Variants in LRTM2 observed in about 807,000 individuals in gnomAD.
LRTM2 encodes the protein leucine rich repeat transmembrane protein 2, also known as leucine-rich repeat and transmembrane domain-containing protein 2.
A neutral mutation model predicts 28.1 loss-of-function variants in LRTM2; 18 were observed. The ratio of observed to expected loss-of-function variants is 0.64; its 90% confidence interval spans 0.44 to 0.95. The LOEUF (loss-of-function observed/expected upper bound fraction) is 0.95, where lower values mean the gene tolerates loss of function less well. Among genes scored for constraint, LRTM2 ranks in the 40% least tolerant of loss-of-function variants. The pLI, the probability that LRTM2 is intolerant of heterozygous loss-of-function variation, is 0.00. For missense variants in LRTM2, 436 were observed against 497.2 expected (o/e 0.88, Z 1.17); for synonymous variants, 250 against 218.7 (o/e 1.14, Z -1.26).
intron 1 of LRTM2, among the ~76,000 whole-genome samples, chr12:1,827,209 C>A (rs991769717): frequency 2.6e-5 from 4 of 152,220 alleles, no homozygotes; most frequent in Admixed American, 2.6e-4. Flanking sequence ...GGCTGGCAGC[C>A]TGGGCCTCCC....
chr12:1,824,205 T>A (rs927550589), intron 1 of LRTM2, among the ~76,000 whole-genome samples: 1 of 152,180 alleles, frequency 6.6e-6, no homozygotes, highest in Non-Finnish European at 1.5e-5. Context: ...CCGTTTGCCC[T>A]GCTGAGAGGT....
At chr12:1,827,872 T>C (rs1864414455) in intron 2 of LRTM2, 5 of 380,848 alleles carry the variant, frequency 1.3e-5, no homozygotes, top group South Asian at 2.3e-4. Flanking sequence ...CTCGGGCTCC[T>C]GGAAAGCCGA....
chr12:1,835,810 G>A lies in LRTM2; in HGVS notation c.*1089G>A, dbSNP rs563154569. 6.5e-6 allele frequency: 1 copy of A among 152,676 alleles called. No individual in the cohort carries two copies. Among genetic ancestry groups the A allele is most frequent in the Non-Finnish European group, 1.5e-5 (1 of 68,254 alleles). 9.5% of individuals were successfully genotyped at this position (152,676 alleles called of 1,614,324 possible). Reference sequence around the variant, plus strand: ...CCTGCCCACGCATCTCACAGCACCAGGCCCTGTGGGGCCCCCACTGATTCC... The same window carrying A: ...CCTGCCCACGCATCTCACAGCACCAAGCCCTGTGGGGCCCCCACTGATTCC... On this transcript the variant is annotated 3_prime_UTR_variant, in exon 5 of 5. Transcript: ENST00000299194.
Position 1,820,922 on chromosome 12 carries a change from C to T in LRTM2, c.-259+108C>T, listed in dbSNP as rs1271223435. ...CATCTCTGCCCTGCAGGAATAGCTG[C>T]AGTTGCTTCCTACCTGCAGGCAATT... On this transcript the variant is annotated intron_variant, in intron 1 of 4. Transcript: ENST00000299194. The surrounding 1 kb of genome is among the most constrained non-coding windows in gnomAD (Gnocchi z 6.0). The T allele has an allele frequency of 6.6e-6, 1 of 152,240 alleles. No homozygotes were observed. Among genetic ancestry groups the T allele is most frequent in the Non-Finnish European group, 1.5e-5 (1 of 68,078 alleles). The allele number at this position is 152,240 out of a possible 1,614,324, so 9.4% of individuals were successfully genotyped here.
chr12:1,831,064 T>C lies in LRTM2; in HGVS notation c.197T>C (p.Val66Ala). The change falls in exon 4 of 5, where the codon GTG becomes GCG. Residue 66 changes from valine to alanine, a missense_variant. Coordinates refer to ENST00000299194, the MANE Select transcript of LRTM2 (RefSeq NM_001039029.3). ...GGCCTCACCACGGTGCCCCCAGACG[T>C]GCCCGCAGCCACCCGAACCCTCTTG... is the stretch of plus-strand genomic sequence containing the variant. ...GLGLTTVPPD[V>A]PAATRTLLLL... The C allele has an allele frequency of 1.2e-6, 2 of 1,614,072 alleles. No homozygotes were observed. The highest frequency in any genetic ancestry group is 1.7e-6 in the Non-Finnish European group (2 of 1,180,024).
intron 1 of LRTM2, chr12:1,822,223 C>G (rs569072458): frequency 1.3e-5 from 2 of 152,368 alleles, no homozygotes; most frequent in South Asian, 4.1e-4. Context: ...GAGGAGCAAA[C>G]TCTGCTCCCG....
chr12:1,834,799 C>G lies in LRTM2; in HGVS notation c.*78C>G, dbSNP rs1864785366. On this transcript the variant is annotated 3_prime_UTR_variant, in exon 5 of 5. Transcript: ENST00000299194. The surrounding 1 kb of genome is among the most constrained non-coding windows in gnomAD (Gnocchi z 7.6). ...GCTCAGCCACAGCTCCCACCTTGAC[C>G]CGGCGCTGGCCACTGCCTCCCCGAG... 1.4e-6 allele frequency: 2 copies of G among 1,476,124 alleles called. No individual in the cohort carries two copies. The highest frequency in any genetic ancestry group is 2.4e-5 in the Admixed American group (1 of 42,480). 91.4% of individuals were successfully genotyped at this position (1,476,124 alleles called of 1,614,324 possible). A position where few individuals can be genotyped will look rare whatever the true frequency, so the allele number is the denominator to read the frequency against.
rs1234126298 is a variant in LRTM2 at position 1,828,514 on chromosome 12, A to G, written c.67+299A>G. 6.6e-6 allele frequency among the ~76,000 whole-genome samples: 1 copy of G among 152,156 alleles called. No individual in the cohort carries two copies. The highest frequency in any genetic ancestry group is 1.5e-5 in the Non-Finnish European group (1 of 68,032). ...TGAGCTTGCTGGGGTCCCCAACAGG[A>G]GAAGAGCTCTGCTGGAATGCAGGCC... On this transcript the variant is annotated intron_variant, in intron 3 of 4. Transcript: ENST00000299194. This position sits in a 1 kb window ranked among gnomAD's most constrained non-coding sequence, Gnocchi z 4.2.
chr12:1,834,852 A>G lies in LRTM2; in HGVS notation c.*131A>G. ...CACCCTCCTCCCCGCCCTCCAGCAGACAAGCCACACCGGGTTCTCTCCCTG... is the reference window on the plus strand; with the variant it reads ...CACCCTCCTCCCCGCCCTCCAGCAGGCAAGCCACACCGGGTTCTCTCCCTG... On this transcript the variant is annotated 3_prime_UTR_variant, in exon 5 of 5. Coordinates refer to ENST00000299194, the MANE Select transcript of LRTM2 (RefSeq NM_001039029.3). The surrounding 1 kb of genome is among the most constrained non-coding windows in gnomAD (Gnocchi z 7.6). The G allele has an allele frequency of 7.0e-7, 1 of 1,425,728 alleles. No individual in the cohort carries two copies. Among genetic ancestry groups the G allele is most frequent in the Non-Finnish European group, 9.2e-7 (1 of 1,091,294 alleles). The allele number at this position is 1,425,728 out of a possible 1,614,324, so 88.3% of individuals were successfully genotyped here.
rs1864783430 is a variant in LRTM2 at position 1,834,757 on chromosome 12, G to A, written c.*36G>A. ...CCACCCGGCCAGGTAGGAAGGGCGG[G>A]GAGAGCACACGGCATTGCTCAGCCA... On this transcript the variant is annotated 3_prime_UTR_variant, in exon 5 of 5. Transcript: ENST00000299194. The surrounding 1 kb of genome is among the most constrained non-coding windows in gnomAD (Gnocchi z 7.6). The A allele has an allele frequency of 1.3e-6, 2 of 1,551,808 alleles. No individual in the cohort carries two copies. The highest frequency in any genetic ancestry group is 1.7e-6 in the Non-Finnish European group (2 of 1,151,920).
At position 1,831,647 on chromosome 12, in the gene LRTM2, C is replaced by A. The variant is rs1292337955; in HGVS notation, c.658+122C>A. On this transcript the variant is annotated intron_variant, in intron 4 of 4. Coordinates refer to ENST00000299194, the MANE Select transcript of LRTM2 (RefSeq NM_001039029.3). The stretch of plus-strand genomic sequence containing the variant: ...AGGCCAGGGGAAAGAAGGGGGCGAC[C>A]CTGCCTCTGTGCCAGCTCGGCTAGA... 1.2e-5 allele frequency: 10 copies of A among 808,104 alleles called. No individual in the cohort carries two copies. In the Admixed American group the frequency reaches 2.8e-4, roughly 22 times the overall value. The allele number at this position is 808,104 out of a possible 1,614,324, so 50.1% of individuals were successfully genotyped here.
chr12:1,836,302 A>G lies in LRTM2; in HGVS notation c.*1581A>G, dbSNP rs118070468. On this transcript the variant is annotated 3_prime_UTR_variant, in exon 5 of 5. Transcript: ENST00000299194. The stretch of plus-strand genomic sequence containing the variant: ...CATGCTCACAGGCTCAGGAGGCATC[A>G]GGCTCGTCCCTGGCTCTGGGATGGA... 0.013 allele frequency: 1,963 copies of G among 152,492 alleles called. 19 individuals are homozygous for G. Among genetic ancestry groups the G allele is most frequent in the Non-Finnish European group, 0.021 (1,404 of 68,164 alleles). 9.4% of individuals were successfully genotyped at this position (152,492 alleles called of 1,614,324 possible). A position where few individuals can be genotyped will look rare whatever the true frequency, so the allele number is the denominator to read the frequency against.
In LRTM2 at chr12:1,822,501, C is replaced by G. The variant is rs539644504; in HGVS notation, c.-259+1687C>G. 3.9e-5 allele frequency among the ~76,000 whole-genome samples: 6 copies of G among 152,168 alleles called. No individual in the cohort carries two copies. The East Asian group carries it at 1.2e-3, about 29-fold the overall frequency. The stretch of plus-strand genomic sequence containing the variant: ...ACCACCCTGAGCCCGGCCCCAGGGC[C>G]CAGTGGACACCTTAGCCTCCTTCAT... On this transcript the variant is annotated intron_variant, in intron 1 of 4. Transcript: ENST00000299194.
In LRTM2 at chr12:1,828,159, C is replaced by T. The variant is rs763791887; in HGVS notation, c.11C>T (p.Pro4Leu). 112 of 1,543,080 alleles carry T rather than the reference C, an allele frequency of 7.3e-5. No homozygotes were observed. Among genetic ancestry groups the T allele is most frequent in the African/African-American group, 6.2e-4 (45 of 72,708 alleles). Residue 4 changes from proline (P) to leucine (L), a missense_variant, in exon 3 of 5, where the codon CCG becomes CTG. Coordinates refer to ENST00000299194, the MANE Select transcript of LRTM2 (RefSeq NM_001039029.3). This position sits in a 1 kb window ranked among gnomAD's most constrained non-coding sequence, Gnocchi z 4.2. MLA[P>L]GSSPGQRGRL... ...GCCGTGGGCCTCACCATGCTGGCGCCGGGCAGCAGCCCTGGGCAGAGGGGC... is the reference window on the plus strand; with the variant it reads ...GCCGTGGGCCTCACCATGCTGGCGCTGGGCAGCAGCCCTGGGCAGAGGGGC...
intron 1 of LRTM2, among the ~76,000 whole-genome samples, chr12:1,822,805 C>T (rs373914506): frequency 2.0e-5 from 3 of 152,238 alleles, no homozygotes; most frequent in South Asian, 2.1e-4. Context: ...AGACAGGCAG[C>T]GGTAGGCGGA....
chr12:1,824,912 C>T (rs1864253442), intron 1 of LRTM2, among the ~76,000 whole-genome samples: 3 of 152,232 alleles, frequency 2.0e-5, no homozygotes, highest in Admixed American at 2.0e-4. Context: ...ATTTTTCCTG[C>T]TCTTGGGAAG....
intron 1 of LRTM2, among the ~76,000 whole-genome samples, chr12:1,826,666 C>T (rs954036201): frequency 4.6e-5 from 7 of 151,882 alleles, no homozygotes; most frequent in African/African-American, 1.2e-4. Context: ...GAAAGACAGC[C>T]GAGAGGGCGG....
chr12:1,833,300 G>A lies in LRTM2; in HGVS notation c.659-967G>A, dbSNP rs1864712322. Reference sequence around the variant, plus strand: ...GCAGCCCGCATCTTTTCGGCAGGGGGTCTAGTGCCTGCATCCAGATTTCAC... The same window carrying A: ...GCAGCCCGCATCTTTTCGGCAGGGGATCTAGTGCCTGCATCCAGATTTCAC... On this transcript the variant is annotated intron_variant, in intron 4 of 4. Coordinates refer to ENST00000299194, the MANE Select transcript of LRTM2 (RefSeq NM_001039029.3). This position sits in a 1 kb window ranked among gnomAD's most constrained non-coding sequence, Gnocchi z 4.2. Among the ~76,000 whole-genome samples, 1 of 152,282 alleles carries A rather than the reference G, an allele frequency of 6.6e-6. No homozygotes were observed. The highest frequency in any genetic ancestry group is 2.4e-5 in the African/African-American group (1 of 41,542).
Position 1,830,969 on chromosome 12 carries a change from G to A in LRTM2, c.102G>A (p.Glu34=). The change falls in exon 4 of 5, where the codon GAG becomes GAA. Residue 34 remains glutamate, a synonymous_variant. Transcript: ENST00000299194. ...GCTGGATCGCCCTGTATGCTGTGGA[G>A]GCCCTCCCCACCTGCCCTTTCTCCT... ...ITCWIALYAV[E]ALPTCPFSCK... 2.5e-6 allele frequency: 4 copies of A among 1,612,790 alleles called. No homozygotes were observed. The highest frequency in any genetic ancestry group is 3.4e-6 in the Non-Finnish European group (4 of 1,179,236).
Sources: allele counts gnomAD v4.1 joint callset (sites outside exome capture counted in the v4.1 genomes callset), GRCh38; gene constraint gnomAD v4.1.1; non-coding constraint Gnocchi (gnomAD v3.1); transcripts MANE v1.5; gene names NCBI Gene and HGNC (gene_info 2026-07-23, HGNC 2026-07-21).